Variants in CTNNBL1 observed in about 807,000 individuals in gnomAD.
CTNNBL1 encodes the protein beta-catenin-like protein 1.
In CTNNBL1, 31 loss-of-function variants were observed where a neutral mutation model predicts 72.7. That is an observed-to-expected ratio of 0.43 (90% CI 0.32 to 0.58). CTNNBL1 has a LOEUF of 0.58. CTNNBL1 is among the 20% of genes least tolerant of loss of function. The pLI is 0.08. For missense variants in CTNNBL1, 534 were observed against 725.1 expected (o/e 0.74, Z 3.03); for synonymous variants, 240 against 267.3 (o/e 0.90, Z 1.00).
At chr20:37,804,010 A>G (rs2071929900) in intron 11 of CTNNBL1, among the ~76,000 whole-genome samples, 1 of 152,164 alleles carries the variant, frequency 6.6e-6, no homozygotes. Context: ...GAGTGGCTAA[A>G]GGGAAGGTGG....
chr20:37,752,596 T>G (rs1478503744), intron 4 of CTNNBL1, among the ~76,000 whole-genome samples: 2 of 151,958 alleles, frequency 1.3e-5, no homozygotes, highest in African/African-American at 4.8e-5. Flanking sequence ...TGGAGTCATC[T>G]CATTGGAGAT....
chr20:37,706,302 A>G (rs2072884215), intron 1 of CTNNBL1, among the ~76,000 whole-genome samples: 1 of 152,212 alleles, frequency 6.6e-6, no homozygotes, highest in East Asian at 1.9e-4. Context: ...CTCTGTAGCA[A>G]GCTGTGCTGT....
chr20:37,786,104 C>T (rs555758148), intron 10 of CTNNBL1, among the ~76,000 whole-genome samples: 2 of 151,514 alleles, frequency 1.3e-5, no homozygotes, highest in Non-Finnish European at 3.0e-5. Flanking sequence ...TCCCCAAACA[C>T]GTGGAGTCTC....
chr20:37,821,216 T>A (rs545176710), intron 11 of CTNNBL1, among the ~76,000 whole-genome samples: 53 of 152,214 alleles, frequency 3.5e-4, no homozygotes, highest in Non-Finnish European at 5.9e-4. Context: ...TTTCCATTTC[T>A]GTTCTGAGAC....
At chr20:37,712,408 T>G (rs934338462) in intron 1 of CTNNBL1, among the ~76,000 whole-genome samples, 2 of 152,246 alleles carry the variant, frequency 1.3e-5, no homozygotes, top group African/African-American at 4.8e-5. Context: ...GAAGTGATGA[T>G]TAAATATCAC....
At chr20:37,787,516 T>C (rs1023390164) in intron 10 of CTNNBL1, among the ~76,000 whole-genome samples, 17 of 152,086 alleles carry the variant, frequency 1.1e-4, no homozygotes, top group African/African-American at 3.9e-4. Flanking sequence ...GGCTAATTTT[T>C]TGTATTTTTA....
chr20:37,800,794 C>T (rs1279460425), intron 10 of CTNNBL1, among the ~76,000 whole-genome samples: 3 of 152,180 alleles, frequency 2.0e-5, no homozygotes, highest in East Asian at 1.9e-4. Context: ...CCTCCCTGAT[C>T]GAAGCTAGGA....
At chr20:37,848,913 G>A (rs1388221565) in intron 13 of CTNNBL1, among the ~76,000 whole-genome samples, 1 of 152,148 alleles carries the variant, frequency 6.6e-6, no homozygotes, top group African/African-American at 2.4e-5. Flanking sequence ...ATCACCCATA[G>A]GCTCTTCTGA....
intron 1 of CTNNBL1, among the ~76,000 whole-genome samples, chr20:37,718,746 T>C (rs1244907895): frequency 6.6e-6 from 1 of 152,212 alleles, no homozygotes; most frequent in Non-Finnish European, 1.5e-5. Context: ...AAGGAACAAC[T>C]GCAGAAGGAA....
At chr20:37,768,130 G>C in intron 7 of CTNNBL1, 86 bp downstream of exon 7, 1 of 1,109,356 alleles carries the variant, frequency 9.0e-7, no homozygotes, top group Non-Finnish European at 1.4e-6. Context: ...AGACTGTTAT[G>C]CTGGGCCATA....
intron 1 of CTNNBL1, among the ~76,000 whole-genome samples, chr20:37,705,215 A>C (rs1369344278): frequency 6.6e-6 from 1 of 152,188 alleles, no homozygotes; most frequent in Non-Finnish European, 1.5e-5. Flanking sequence ...TCCATTAATT[A>C]ACCTCTTTAA....
At chr20:37,866,768 T>A (rs2072540184) in intron 15 of CTNNBL1, among the ~76,000 whole-genome samples, 1 of 152,146 alleles carries the variant, frequency 6.6e-6, no homozygotes, top group South Asian at 2.1e-4. Flanking sequence ...TCAGGAAGCC[T>A]CCAAAGTTAA....
chr20:37,767,886 G>A, intron 6 of CTNNBL1, 67 bp from the exon 7 acceptor site: 2 of 1,290,560 alleles, frequency 1.5e-6, no homozygotes, highest in Non-Finnish European at 2.3e-6. Flanking sequence ...CCTGTCATGG[G>A]AAGCAAGCTT....
intron 15 of CTNNBL1, among the ~76,000 whole-genome samples, chr20:37,867,184 G>A (rs1416457864): frequency 6.6e-6 from 1 of 152,170 alleles, no homozygotes; most frequent in East Asian, 1.9e-4. Context: ...TAGACCTGAA[G>A]GATTTTCCTT....
chr20:37,714,402 C>G (rs529811429), intron 1 of CTNNBL1, among the ~76,000 whole-genome samples: 3 of 152,164 alleles, frequency 2.0e-5, no homozygotes, highest in Non-Finnish European at 4.4e-5. Flanking sequence ...CCCCAGTTGC[C>G]TTTTTTCTTG....
intron 7 of CTNNBL1, among the ~76,000 whole-genome samples, chr20:37,773,630 A>G (rs778049146): frequency 8.5e-5 from 13 of 152,336 alleles, no homozygotes; most frequent in African/African-American, 2.2e-4. Context: ...GTATTGTGCA[A>G]TCTCTGGCTG....
chr20:37,868,357 T>C (rs368755497), intron 15 of CTNNBL1, among the ~76,000 whole-genome samples: 2 of 152,010 alleles, frequency 1.3e-5, no homozygotes, highest in African/African-American at 4.8e-5. Flanking sequence ...ATCCTAGACT[T>C]GGGCGGGTTG....
chr20:37,765,409 C>A, intron 6 of CTNNBL1, 119 bp downstream of exon 6: 1 of 647,014 alleles, frequency 1.5e-6, no homozygotes, highest in Non-Finnish European at 2.7e-6. Context: ...CTTCCTTCTG[C>A]TCCCAAACTG....
chr20:37,845,564 A>G (rs2072340271), intron 13 of CTNNBL1, among the ~76,000 whole-genome samples: 1 of 152,160 alleles, frequency 6.6e-6, no homozygotes, highest in South Asian at 2.1e-4. Context: ...GGGGTGAGGG[A>G]TGCGTTTGTG....
Sources: allele counts gnomAD v4.1 joint callset (sites outside exome capture counted in the v4.1 genomes callset), GRCh38; gene constraint gnomAD v4.1.1; transcripts MANE v1.5; gene names NCBI Gene and HGNC (gene_info 2026-07-23, HGNC 2026-07-21).